FHIT: variants seen among roughly 807,000 people sequenced by gnomAD.
FHIT encodes bis(5'-adenosyl)-triphosphatase.
In FHIT, 19 loss-of-function variants were observed where a neutral mutation model predicts 17.9. The ratio of observed to expected loss-of-function variants is 1.06; its 90% CI spans 0.74 to 1.56. FHIT has a LOEUF of 1.56. FHIT is among the 40% of genes most tolerant of loss of function. FHIT has a pLI of 0.00. For missense variants in FHIT, 248 were observed against 189.2 expected, an observed-to-expected ratio of 1.31 and a Z score of -1.82; for synonymous variants, 81 against 69.7, an observed-to-expected ratio of 1.16 and a Z score of -0.81.
chr3:59,852,547 T>TACAAGAGG lies in FHIT; in HGVS notation c.348+69791_348+69798dup, dbSNP rs1298933911. On this transcript the variant is annotated intron_variant, in intron 8 of 9. Transcript: ENST00000492590. ...GACATATCACCCAAAGTCCATAGTT[T>TACAAGAGG]ACAAGAGGATTCAGTCTTGGTGTTG... Among the ~76,000 whole-genome samples, 12 of 152,300 alleles carry TACAAGAGG rather than the reference T, an allele frequency of 7.9e-5. No individual in the cohort carries two copies. In the East Asian group the frequency reaches 2.3e-3, roughly 29 times the overall value.
rs564855847 is a variant in FHIT, at chr3:61,184,194, C to T, written c.-164+16423G>A. Among the ~76,000 whole-genome samples, 98 of 152,186 alleles carry T rather than the reference C, an allele frequency of 6.4e-4. 1 individual carries two copies. Among genetic ancestry groups the T allele is most frequent in the African/African-American group, 2.3e-3 (95 of 41,550 alleles). Reference sequence around the variant, plus strand: ...GCTGTTGCCCCTCCAAGCAGATTCACACACCTCTCGGCTAACATCCCCTTT... The same window carrying T: ...GCTGTTGCCCCTCCAAGCAGATTCATACACCTCTCGGCTAACATCCCCTTT... On this transcript the variant is annotated intron_variant, in intron 2 of 9. Coordinates refer to ENST00000492590, the MANE Select transcript of FHIT (RefSeq NM_002012.4).
intron 5 of FHIT, among the ~76,000 whole-genome samples, chr3:60,280,024 T>C (rs1576413367): frequency 2.0e-5 from 2 of 101,692 alleles, no homozygotes; most frequent in South Asian, 6.8e-4. Context: ...AGAACGAGAC[T>C]CTGTCTCAAA....
intron 5 of FHIT, among the ~76,000 whole-genome samples, chr3:60,043,076 G>A (rs1296768758): frequency 6.6e-6 from 1 of 152,172 alleles, no homozygotes; most frequent in African/African-American, 2.4e-5. Context: ...AAGTGGACTG[G>A]CTAGAGTACT....
At chr3:59,824,434 A>G (rs1196084956) in intron 8 of FHIT, among the ~76,000 whole-genome samples, 4 of 152,256 alleles carry the variant, frequency 2.6e-5, no homozygotes, top group African/African-American at 4.8e-5. Flanking sequence ...GGTGTCCAGC[A>G]TAATACCTGA....
At chr3:60,907,288 A>G (rs1706478601) in intron 3 of FHIT, among the ~76,000 whole-genome samples, 1 of 152,184 alleles carries the variant, frequency 6.6e-6, no homozygotes, top group Non-Finnish European at 1.5e-5. Context: ...TTTGGCCTAC[A>G]ATGAGGAACA....
At chr3:60,116,771 T>C (rs1307319554) in intron 5 of FHIT, among the ~76,000 whole-genome samples, 1 of 152,128 alleles carries the variant, frequency 6.6e-6, no homozygotes, top group Non-Finnish European at 1.5e-5. Context: ...AATCACACCA[T>C]GACGCAAATG....
At position 59,787,626 on chromosome 3, in the gene FHIT, A is replaced by C. The variant is rs919007447; in HGVS notation, c.349-35305T>G. ...CATTCACGGATCTCTTGATTAGCTCAATTGTTCTGAGATGATAATAGTTAC... is the reference window on the plus strand; with the variant it reads ...CATTCACGGATCTCTTGATTAGCTCCATTGTTCTGAGATGATAATAGTTAC... On this transcript the variant is annotated intron_variant, in intron 8 of 9. Transcript: ENST00000492590. Among the ~76,000 whole-genome samples, 5 of 152,218 alleles carry C rather than the reference A, an allele frequency of 3.3e-5. 1 individual carries two copies. The East Asian group carries it at 7.7e-4, about 24-fold the overall frequency.
chr3:60,201,216 C>T (rs530139166), intron 5 of FHIT, among the ~76,000 whole-genome samples: 4 of 152,236 alleles, frequency 2.6e-5, no homozygotes, highest in South Asian at 2.1e-4. Flanking sequence ...CCAACAGAGG[C>T]CAGTCTCACG....
chr3:61,051,297 G>T (rs368747161), intron 2 of FHIT, among the ~76,000 whole-genome samples: 30 of 151,954 alleles, frequency 2.0e-4, no homozygotes, highest in African/African-American at 7.3e-4. Context: ...TTGAGACAGG[G>T]TCTCAATCCC....
In FHIT at chr3:60,397,447, T is replaced by C. The variant is rs938240841; in HGVS notation, c.103+139413A>G. ...GGCCAACTAGGAGTCCTTGAGCCCA[T>C]GTTCCAGTGAGAAAGTCTCACATGT... On this transcript the variant is annotated intron_variant, in intron 5 of 9. Coordinates refer to ENST00000492590, the MANE Select transcript of FHIT (RefSeq NM_002012.4). Among the ~76,000 whole-genome samples, 7 of 152,132 alleles carry C rather than the reference T, an allele frequency of 4.6e-5. 1 individual carries two copies.
At chr3:60,668,371 G>GAAAAAAAAAAAA (rs60941309) in intron 4 of FHIT, among the ~76,000 whole-genome samples, 1 of 68,030 alleles carries the variant, frequency 1.5e-5, no homozygotes, top group South Asian at 5.8e-4. Flanking sequence ...GCTCAATCAG[G>GAAAAAAAAAAAA]AAAAAAAAAA....
At chr3:60,181,068 G>T (rs1173379952) in intron 5 of FHIT, among the ~76,000 whole-genome samples, 6 of 151,594 alleles carry the variant, frequency 4.0e-5, no homozygotes, top group Non-Finnish European at 1.5e-5. Context: ...CCAGCTATGA[G>T]AAGTAACAAA....
At chr3:60,040,081 T>G (rs1256578689) in intron 5 of FHIT, among the ~76,000 whole-genome samples, 1 of 152,172 alleles carries the variant, frequency 6.6e-6, no homozygotes, top group East Asian at 1.9e-4. Context: ...CCCATAAACA[T>G]GTCCAACAAA....
chr3:60,769,477 A>G (rs2108071156), intron 4 of FHIT, among the ~76,000 whole-genome samples: 1 of 152,312 alleles, frequency 6.6e-6, no homozygotes, highest in East Asian at 1.9e-4. Flanking sequence ...TAGATATGAT[A>G]AAAGAAAAAC....
intron 5 of FHIT, among the ~76,000 whole-genome samples, chr3:60,189,531 T>C (rs1027228957): frequency 2.0e-5 from 3 of 152,212 alleles, no homozygotes; most frequent in African/African-American, 7.2e-5. Context: ...TTCTTATAAG[T>C]AGATTACAAA....
intron 8 of FHIT, among the ~76,000 whole-genome samples, chr3:59,810,268 T>C (rs1462673060): frequency 1.3e-5 from 2 of 152,172 alleles, no homozygotes; most frequent in Non-Finnish European, 2.9e-5. Flanking sequence ...AGGCACGGTT[T>C]GAGCCTTGGG....
chr3:60,116,448 T>C (rs4679633), intron 5 of FHIT, among the ~76,000 whole-genome samples: 5 of 152,034 alleles, frequency 3.3e-5, no homozygotes, highest in Non-Finnish European at 7.4e-5. Context: ...TCAGAGCCCC[T>C]CTTTTCTTGC....
chr3:61,163,242 T>A (rs1246827256), intron 2 of FHIT, among the ~76,000 whole-genome samples: 1 of 152,196 alleles, frequency 6.6e-6, no homozygotes, highest in Non-Finnish European at 1.5e-5. Context: ...CTACCCCTCC[T>A]CTCTGCCAAG....
intron 4 of FHIT, among the ~76,000 whole-genome samples, chr3:60,556,099 T>A (rs918910629): frequency 2.0e-5 from 3 of 152,202 alleles, no homozygotes. Flanking sequence ...AATTGGTCAT[T>A]TTCTTATAGC....
Sources: allele counts gnomAD v4.1 joint callset (sites outside exome capture counted in the v4.1 genomes callset), GRCh38; gene constraint gnomAD v4.1.1; transcripts MANE v1.5; gene names NCBI Gene and HGNC (gene_info 2026-07-23, HGNC 2026-07-21).